The following ZNF106 variants were observed in gnomAD, a reference collection of about 807,000 sequenced individuals.
ZNF106 encodes SH3-domain binding protein 3.
ZNF106 carries 67 observed loss-of-function variants against 195.1 expected under a neutral mutation model. The observed-to-expected ratio is 0.34, with a 90% CI of 0.28 to 0.42. The LOEUF (loss-of-function observed/expected upper bound fraction) is 0.42. Ranked by LOEUF, ZNF106 falls within the 10% of genes least tolerant of loss-of-function variation. The probability of loss-of-function intolerance (pLI) is 1.00; values close to 1 mark genes in which losing one functional copy is unlikely to be tolerated. For missense variants in ZNF106, 2,118 were observed against 2,304.5 expected (o/e 0.92, Z 1.66); for synonymous variants, 784 against 818.6 (o/e 0.96, Z 0.72).
At chr15:42,434,740 C>G (rs2055207703) in intron 14 of ZNF106, among the ~76,000 whole-genome samples, 1 of 150,702 alleles carries the variant, frequency 6.6e-6, no homozygotes, top group Non-Finnish European at 1.5e-5. Flanking sequence ...TCTAATTCTG[C>G]AGATTTAAAA....
At position 42,423,184 on chromosome 15, in the gene ZNF106, A is replaced by G. The variant is rs1356415213; in HGVS notation, c.5254-564T>C. 2.0e-5 allele frequency among the ~76,000 whole-genome samples: 3 copies of G among 152,124 alleles called. No individual in the cohort carries two copies. In the East Asian group the frequency reaches 5.9e-4, roughly 30 times the overall value. Reference sequence around the variant, plus strand: ...GGAGTTCAAGACCAGCCTGGGCAACATGGCAAGACTCCATCTCTACAAAAA... The same window carrying G: ...GGAGTTCAAGACCAGCCTGGGCAACGTGGCAAGACTCCATCTCTACAAAAA... On this transcript the variant is annotated intron_variant, in intron 17 of 21. Coordinates refer to ENST00000564754, the MANE Select transcript of ZNF106 (RefSeq NM_001366845.3).
At chr15:42,426,431 A>G (rs986530635) in intron 15 of ZNF106, among the ~76,000 whole-genome samples, 34 of 150,034 alleles carry the variant, frequency 2.3e-4, no homozygotes, top group Non-Finnish European at 4.6e-4. Context: ...ACAGGGTCTC[A>G]CTCTGTCAGC....
At chr15:42,444,112 C>CAA (rs58966014) in intron 9 of ZNF106, 90 bp downstream of exon 9, 1,279 of 248,614 alleles carry the variant, frequency 5.1e-3, no homozygotes, top group South Asian at 8.0e-3. Context: ...ACTCTGTCTC[C>CAA]AAAAAAAAAA....
chr15:42,474,317 A>G (rs1595492763), intron 1 of ZNF106, among the ~76,000 whole-genome samples: 1 of 152,264 alleles, frequency 6.6e-6, no homozygotes, highest in East Asian at 1.9e-4. Flanking sequence ...AGGACTTTGC[A>G]TATTTTGTTC....
At chr15:42,471,886 T>C (rs1202075893) in intron 2 of ZNF106, among the ~76,000 whole-genome samples, 2 of 152,186 alleles carry the variant, frequency 1.3e-5, no homozygotes, top group Non-Finnish European at 2.9e-5. Flanking sequence ...AATCAAAAAG[T>C]ACATGATTTT....
At chr15:42,485,599 C>T (rs1186473404) in intron 1 of ZNF106, among the ~76,000 whole-genome samples, 1 of 152,054 alleles carries the variant, frequency 6.6e-6, no homozygotes, top group African/African-American at 2.4e-5. Context: ...TGTGAGTACA[C>T]CCTGGGATGG....
At chr15:42,485,667 C>T (rs1055668088) in intron 1 of ZNF106, among the ~76,000 whole-genome samples, 1 of 152,080 alleles carries the variant, frequency 6.6e-6, no homozygotes, top group African/African-American at 2.4e-5. Context: ...TTAGGATAGG[C>T]TCTGACCACC....
chr15:42,481,947 C>T lies in ZNF106; in HGVS notation c.-33+9033G>A, dbSNP rs572639719. Among the ~76,000 whole-genome samples, 3 of 152,186 alleles carry T rather than the reference C, an allele frequency of 2.0e-5. No homozygotes were observed. The East Asian group carries it at 5.8e-4, about 29-fold the overall frequency. On this transcript the variant is annotated intron_variant, in intron 1 of 21. Transcript: ENST00000564754. ...ATTTTTCTTCCTCATTGTTTTTCTTCTCCCTCCCAGATTTCAATTAAATGT... is the reference window on the plus strand; with the variant it reads ...ATTTTTCTTCCTCATTGTTTTTCTTTTCCCTCCCAGATTTCAATTAAATGT...
intron 1 of ZNF106, among the ~76,000 whole-genome samples, chr15:42,479,686 A>G (rs2056859980): frequency 6.6e-6 from 1 of 151,906 alleles, no homozygotes; most frequent in Non-Finnish European, 1.5e-5. Context: ...TACTAATAAT[A>G]TAAAAATTAG....
chr15:42,466,070 A>G lies in ZNF106; in HGVS notation c.99T>C (p.Leu33=), dbSNP rs1435990712. 6.5e-7 allele frequency: 1 copy of G among 1,534,758 alleles called. No individual in the cohort carries two copies. The highest frequency in any genetic ancestry group is 8.7e-7 in the Non-Finnish European group (1 of 1,146,336). ...TCCCATACCTGCCCTTGAGGTTCTC[A>G]AGTTCCCTGTGATGCAACATGCTCC... ...HMRSMLHHRE[L]ENLKGRDISH... Residue 33 remains leucine (L), a synonymous_variant, in exon 3 of 22, where the codon CTT becomes CTC. Transcript: ENST00000564754.
intron 1 of ZNF106, 108 bp from the exon 2 acceptor site, chr15:42,472,429 T>C: frequency 1.3e-6 from 1 of 748,554 alleles, no homozygotes. Context: ...TCCACCTTGC[T>C]CCTCCCCCAG....
chr15:42,422,518 G>A lies in ZNF106; in HGVS notation c.5356C>T (p.Arg1786Cys), dbSNP rs760480742. 4.3e-6 allele frequency: 7 copies of A among 1,612,646 alleles called. No individual in the cohort carries two copies. Among genetic ancestry groups the A allele is most frequent in the Middle Eastern group, 1.7e-4 (1 of 6,060 alleles). ...AATTCTACCTGTAATTCATAGACAC[G>A]AACAAATTTATCCAGGCAAGCAGTC... Reference protein sequence around the residue: ...MVTACLDKFVRVYELQSHDRL... With the variant: ...MVTACLDKFVCVYELQSHDRL... Residue 1786 changes from arginine to cysteine, a missense_variant, in exon 18 of 22, where the codon CGT becomes TGT. Coordinates refer to ENST00000564754, the MANE Select transcript of ZNF106 (RefSeq NM_001366845.3).
chr15:42,481,168 T>C (rs1198849633), intron 1 of ZNF106, among the ~76,000 whole-genome samples: 2 of 152,050 alleles, frequency 1.3e-5, no homozygotes, highest in Admixed American at 6.6e-5. Flanking sequence ...AAAAGAAAGT[T>C]TTAAAATATC....
chr15:42,482,032 C>G (rs558449436), intron 1 of ZNF106, among the ~76,000 whole-genome samples: 4 of 152,140 alleles, frequency 2.6e-5, no homozygotes, highest in Non-Finnish European at 5.9e-5. Flanking sequence ...TTCCCTCCCA[C>G]TCTTCCTTCA....
chr15:42,430,011 G>A (rs2054996173), intron 14 of ZNF106, among the ~76,000 whole-genome samples: 1 of 152,020 alleles, frequency 6.6e-6, no homozygotes, highest in East Asian at 1.9e-4. Flanking sequence ...AAGCTTCAGG[G>A]CTATGAAATG....
chr15:42,429,750 A>G (rs1054384416), intron 14 of ZNF106, among the ~76,000 whole-genome samples: 4 of 152,068 alleles, frequency 2.6e-5, no homozygotes, highest in South Asian at 4.1e-4. Flanking sequence ...CATTAATCCT[A>G]TGAGATCTTT....
chr15:42,465,557 G>T (rs539215327), intron 3 of ZNF106, among the ~76,000 whole-genome samples: 2 of 149,720 alleles, frequency 1.3e-5, no homozygotes, highest in South Asian at 4.3e-4. Context: ...GATTACAAGC[G>T]TGAGCCACTG....
chr15:42,426,564 T>C (rs1290580903), intron 15 of ZNF106, among the ~76,000 whole-genome samples: 1 of 111,516 alleles, frequency 9.0e-6, no homozygotes, highest in Non-Finnish European at 1.8e-5. Flanking sequence ...CATACTTAGC[T>C]TTTTTTTTTT....
Position 42,448,719 on chromosome 15 carries a change from G to GA in ZNF106, c.2502-15dup, listed in dbSNP as rs538706987. ...TCTATGCCAAACCTTAAGGAAGAAA[G>GA]AAAAAATGAAAACATAAATTGGATA... On this transcript the variant is annotated splice_polypyrimidine_tract_variant and intron_variant, in intron 5 of 21. Transcript: ENST00000564754. 3.1e-4 allele frequency: 484 copies of GA among 1,565,144 alleles called. No homozygotes were observed. The African/African-American group carries it at 6.2e-3, about 20-fold the overall frequency.
Sources: gnomAD v4.1 joint callset for allele counts (sites outside exome capture counted in the v4.1 genomes callset) on GRCh38, gnomAD v4.1.1 for gene constraint, MANE v1.5 for transcripts, NCBI Gene and HGNC (gene_info 2026-07-23, HGNC 2026-07-21) for gene names.